Variants in SLMAP observed in about 807,000 individuals in gnomAD.
The protein encoded by SLMAP is sarcolemmal membrane-associated protein.
Under a neutral mutation model 128.8 loss-of-function variants are expected in SLMAP, and 44 were observed. That is an observed-to-expected ratio of 0.34 (90% CI 0.27 to 0.44). The LOEUF (loss-of-function observed/expected upper bound fraction) is 0.44. Ranked by LOEUF, SLMAP falls within the 20% of genes least tolerant of loss-of-function variation. The probability of loss-of-function intolerance (pLI) is 1.00; values close to 1 mark genes in which losing one functional copy is unlikely to be tolerated. For missense variants in SLMAP, 787 were observed against 985.3 expected, an observed-to-expected ratio of 0.80 and a Z score of 2.69; for synonymous variants, 327 against 348.8, an observed-to-expected ratio of 0.94 and a Z score of 0.70.
At chr3:57,868,401 G>A (rs2095364076) in intron 13 of SLMAP, among the ~76,000 whole-genome samples, 1 of 151,802 alleles carries the variant, frequency 6.6e-6, no homozygotes, top group African/African-American at 2.4e-5. Context: ...AACATAGTGA[G>A]ACCCCATCTC....
chr3:57,825,031 C>T (rs1022595504), intron 2 of SLMAP, among the ~76,000 whole-genome samples: 6 of 152,090 alleles, frequency 3.9e-5, no homozygotes, highest in Non-Finnish European at 5.9e-5. Context: ...GAATTGTCTT[C>T]TTAATTTCCT....
At chr3:57,763,357 C>T (rs570614544) in intron 2 of SLMAP, among the ~76,000 whole-genome samples, 1 of 149,864 alleles carries the variant, frequency 6.7e-6, no homozygotes, top group East Asian at 2.0e-4. Flanking sequence ...TCACTGCAAC[C>T]TCTGCCTCCT....
At chr3:57,810,009 G>T (rs1177929927) in intron 2 of SLMAP, among the ~76,000 whole-genome samples, 1 of 152,202 alleles carries the variant, frequency 6.6e-6, no homozygotes, top group Non-Finnish European at 1.5e-5. Flanking sequence ...ATAAAGAGGA[G>T]AGAAGAGCTG....
chr3:57,858,263 C>T, intron 8 of SLMAP, 104 bp downstream of exon 8: 1 of 705,242 alleles, frequency 1.4e-6, no homozygotes. Context: ...TCATACATTT[C>T]CACAATTCTT....
intron 6 of SLMAP, among the ~76,000 whole-genome samples, chr3:57,853,972 T>TTTAC (rs1439167162): frequency 2.2e-5 from 2 of 92,886 alleles, no homozygotes; most frequent in African/African-American, 9.5e-5. Context: ...TATATATATA[T>TTTAC]ATATATATAT....
Position 57,865,235 on chromosome 3 carries a change from A to G in SLMAP, c.1187-7A>G. On this transcript the variant is annotated splice_region_variant and splice_polypyrimidine_tract_variant and intron_variant, in intron 12 of 24. Coordinates refer to ENST00000671191, the MANE Select transcript of SLMAP (RefSeq NM_001377540.1). Reference sequence around the variant, plus strand: ...GATCAGGCAATGATATACTGTCTTAATCCTAGGGATACAAGTTGATGACTT... The same window carrying G: ...GATCAGGCAATGATATACTGTCTTAGTCCTAGGGATACAAGTTGATGACTT... 6.8e-7 allele frequency: 1 copy of G among 1,477,188 alleles called. No homozygotes were observed. Among genetic ancestry groups the G allele is most frequent in the South Asian group, 1.3e-5 (1 of 79,572 alleles). 91.5% of individuals were successfully genotyped at this position (1,477,188 alleles called of 1,614,324 possible). A position where few individuals can be genotyped will look rare whatever the true frequency, so the allele number is the denominator to read the frequency against.
At chr3:57,790,029 G>A (rs1267883565) in intron 2 of SLMAP, among the ~76,000 whole-genome samples, 4 of 152,010 alleles carry the variant, frequency 2.6e-5, no homozygotes, top group African/African-American at 7.2e-5. Context: ...TAGAGACGGG[G>A]TTTCACCATG....
At chr3:57,843,563 C>G (rs545712797) in intron 4 of SLMAP, among the ~76,000 whole-genome samples, 1 of 151,610 alleles carries the variant, frequency 6.6e-6, no homozygotes, top group Non-Finnish European at 1.5e-5. Flanking sequence ...ACCTTGGTCT[C>G]CCAAAGTGCT....
intron 6 of SLMAP, among the ~76,000 whole-genome samples, chr3:57,855,300 C>A (rs574512735): frequency 6.6e-6 from 1 of 151,954 alleles, no homozygotes; most frequent in Non-Finnish European, 1.5e-5. Flanking sequence ...ATTGCTTGAA[C>A]CCAGGAGGCA....
intron 9 of SLMAP, 149 bp from the exon 10 acceptor site, chr3:57,861,800 A>C (rs1007277951): frequency 3.4e-6 from 2 of 591,688 alleles, no homozygotes; most frequent in African/African-American, 3.9e-5. Flanking sequence ...TTCTTATGTT[A>C]TTTGACTCAG....
chr3:57,800,947 G>T, intron 2 of SLMAP: 1 of 268,950 alleles, frequency 3.7e-6, no homozygotes, highest in South Asian at 5.0e-5. Context: ...GGCTCCTGTA[G>T]AAGTTCTTGG....
chr3:57,871,506 CAA>C (rs1681221992), intron 13 of SLMAP, 128 bp from the exon 14 acceptor site: 1 of 639,874 alleles, frequency 1.6e-6, no homozygotes, highest in Non-Finnish European at 2.8e-6. Context: ...GCTTTAGTAT[CAA>C]AATATATTAA....
At chr3:57,904,785 G>A (rs2096485672) in intron 17 of SLMAP, among the ~76,000 whole-genome samples, 1 of 152,132 alleles carries the variant, frequency 6.6e-6, no homozygotes, top group Non-Finnish European at 1.5e-5. Flanking sequence ...TGGAGGAGGG[G>A]TACTGAATCT....
intron 2 of SLMAP, among the ~76,000 whole-genome samples, chr3:57,811,273 T>A (rs2090929153): frequency 6.6e-6 from 1 of 152,146 alleles, no homozygotes; most frequent in Non-Finnish European, 1.5e-5. Context: ...CCTGCCAGAC[T>A]CCATTCTTTC....
intron 15 of SLMAP, among the ~76,000 whole-genome samples, chr3:57,894,488 G>A (rs1422857764): frequency 6.6e-6 from 1 of 152,174 alleles, no homozygotes; most frequent in African/African-American, 2.4e-5. Flanking sequence ...AAAAGTACTA[G>A]AAGTGGGCAT....
chr3:57,787,015 C>T (rs753955715), intron 2 of SLMAP, among the ~76,000 whole-genome samples: 92 of 152,098 alleles, frequency 6.0e-4, no homozygotes, highest in Non-Finnish European at 1.1e-3. Context: ...GGATTACAGG[C>T]GTGAGCCACC....
intron 15 of SLMAP, among the ~76,000 whole-genome samples, chr3:57,893,573 G>C (rs1310476470): frequency 6.6e-6 from 1 of 152,130 alleles, no homozygotes; most frequent in East Asian, 1.9e-4. Flanking sequence ...TAGAGTAAGA[G>C]TTCCTTCTAG....
In SLMAP at chr3:57,871,656, G is replaced by A. The variant is rs1006580058; in HGVS notation, c.1258G>A (p.Gly420Ser). ...ATTAGAGCACTTGCTTTCAAAGAGT[G>A]GCGGGGACTGCACTTTTATTCATCA... ...TEKEHLLSKSGGDCTFIHQFI... is the reference protein window; with the variant it reads ...TEKEHLLSKSSGDCTFIHQFI... The change falls in exon 14 of 25, where the codon GGC becomes AGC. Residue 420 changes from glycine to serine, a missense_variant. Gly to Ser is a moderately conservative substitution (Grantham distance 56, BLOSUM62 0). Coordinates refer to ENST00000671191, the MANE Select transcript of SLMAP (RefSeq NM_001377540.1). 4.3e-6 allele frequency: 7 copies of A among 1,612,894 alleles called. No homozygotes were observed. The African/African-American group carries it at 9.3e-5, about 22-fold the overall frequency.
intron 15 of SLMAP, among the ~76,000 whole-genome samples, chr3:57,895,857 T>TCCCTTGAGCCCAGGAGGTC (rs2096230859): frequency 6.6e-6 from 1 of 151,066 alleles, no homozygotes; most frequent in Admixed American, 6.6e-5. Flanking sequence ...GGCAGGAGGA[T>TCCCTTGAGCCCAGGAGGTC]CCCTTGAGCC....
Sources: allele counts gnomAD v4.1 joint callset (sites outside exome capture counted in the v4.1 genomes callset), GRCh38; gene constraint gnomAD v4.1.1; transcripts MANE v1.5; gene names NCBI Gene and HGNC (gene_info 2026-07-23, HGNC 2026-07-21).